The following DOCK1 variants were observed in gnomAD, a reference collection of about 807,000 sequenced individuals.
DOCK1 encodes the protein dedicator of cytokinesis 1.
Under a neutral mutation model 262.7 loss-of-function variants are expected in DOCK1, and 138 were observed. The observed-to-expected ratio is 0.53, with a 90% confidence interval of 0.46 to 0.61. The LOEUF is 0.61. DOCK1 is among the 20% of genes least tolerant of loss of function. The pLI is 0.00. For synonymous variants in DOCK1, 866 were observed against 867.4 expected, an observed-to-expected ratio of 1.00 and a Z score of 0.03; for missense variants, 1,908 against 2,370.7, an observed-to-expected ratio of 0.80 and a Z score of 4.05.
chr10:126,987,551 C>T lies in DOCK1; in HGVS notation c.258C>T (p.Leu86=), dbSNP rs967773581. 6.3e-7 allele frequency: 1 copy of T among 1,581,262 alleles called. No homozygotes were observed. Among genetic ancestry groups the T allele is most frequent in the Non-Finnish European group, 8.6e-7 (1 of 1,163,434 alleles). The change falls in exon 5 of 52, where the codon CTC becomes CTT. Residue 86 remains leucine (L), a synonymous_variant. Coordinates refer to ENST00000623213, the MANE Select transcript of DOCK1 (RefSeq NM_001290223.2). The part of the protein sequence containing the change: ...GQHETVIPGD[L]PLIQEVTTTL... ...ATGAAACAGTCATCCCGGGTGACCT[C>T]CCCCTCATCCAGGAAGTCACCACGA... is the stretch of plus-strand genomic sequence containing the variant.
At chr10:127,065,178 T>G (rs1591868278) in intron 23 of DOCK1, among the ~76,000 whole-genome samples, 1 of 152,048 alleles carries the variant, frequency 6.6e-6, no homozygotes, top group Admixed American at 6.6e-5. Context: ...CCGGCTAATT[T>G]TTTTGAATTT....
intron 31 of DOCK1, among the ~76,000 whole-genome samples, chr10:127,345,519 T>A (rs1268663268): frequency 6.6e-6 from 1 of 152,198 alleles, no homozygotes; most frequent in Non-Finnish European, 1.5e-5. Context: ...CACCTGGCCA[T>A]CTTTCCTTCA....
intron 29 of DOCK1, among the ~76,000 whole-genome samples, chr10:127,278,890 A>C (rs561542042): frequency 3.3e-5 from 5 of 152,174 alleles, no homozygotes; most frequent in Non-Finnish European, 7.3e-5. Context: ...GGCAAAAATT[A>C]ATACCTGCAC....
intron 29 of DOCK1, among the ~76,000 whole-genome samples, chr10:127,320,722 G>A (rs1590429554): frequency 6.6e-6 from 1 of 152,154 alleles, no homozygotes; most frequent in Non-Finnish European, 1.5e-5. Flanking sequence ...ATTCACTTAG[G>A]CACTTGCTTG....
intron 16 of DOCK1, among the ~76,000 whole-genome samples, chr10:127,029,081 G>C (rs1478213377): frequency 6.6e-6 from 1 of 152,200 alleles, no homozygotes; most frequent in Non-Finnish European, 1.5e-5. Context: ...CAAAATCCTT[G>C]TTTTTCTTGT....
chr10:127,037,669 G>A, intron 18 of DOCK1, 50 bp from the exon 19 acceptor site: 1 of 1,487,546 alleles, frequency 6.7e-7, no homozygotes, highest in Non-Finnish European at 9.1e-7. Context: ...AACAGAGACA[G>A]AACAGAGTTT....
intron 50 of DOCK1, among the ~76,000 whole-genome samples, chr10:127,445,615 ATG>A (rs1189786192): frequency 6.6e-6 from 1 of 152,216 alleles, no homozygotes; most frequent in East Asian, 1.9e-4. Flanking sequence ...CCAAAGTTCA[ATG>A]TAGAATAAAC....
At chr10:127,179,637 T>G (rs921401058) in intron 27 of DOCK1, among the ~76,000 whole-genome samples, 12 of 152,108 alleles carry the variant, frequency 7.9e-5, no homozygotes, top group Non-Finnish European at 1.6e-4. Context: ...TGCTCTTTAT[T>G]GGGGGTGGAG....
chr10:127,156,547 CTTCTTCTTCTTCTTCT>C (rs2053074832), intron 27 of DOCK1, among the ~76,000 whole-genome samples: 2 of 88,196 alleles, frequency 2.3e-5, no homozygotes, highest in African/African-American at 8.3e-5. Context: ...TCTTCTTCTT[CTTCTTCTTCTTCTTCT>C]TTTTTTTTTT....
intron 12 of DOCK1, among the ~76,000 whole-genome samples, chr10:127,016,847 CAG>C (rs2041950076): frequency 8.5e-6 from 1 of 117,190 alleles, no homozygotes; most frequent in African/African-American, 3.4e-5. Context: ...TACACACACA[CAG>C]ATACCATAAA....
Position 127,448,860 on chromosome 10 carries a change from C to CT in DOCK1, c.5565+1324dup, listed in dbSNP as rs11365847. On this transcript the variant is annotated intron_variant, in intron 51 of 51. Transcript: ENST00000623213. ...TAAATCCCACGTGCCATTTCTTTTT[C>CT]TTTTTTTTTAATGGAGACTCGTTGA... is the stretch of plus-strand genomic sequence containing the variant. Among the ~76,000 whole-genome samples, 680 of 147,466 alleles carry CT rather than the reference C, an allele frequency of 4.6e-3. 6 individuals carry two copies. The highest frequency in any genetic ancestry group is 0.042 in the South Asian group (193 of 4,640).
At chr10:127,430,762 G>A (rs1434338938) in intron 47 of DOCK1, among the ~76,000 whole-genome samples, 1 of 152,110 alleles carries the variant, frequency 6.6e-6, no homozygotes, top group East Asian at 1.9e-4. Context: ...TACAGCACTG[G>A]TCCCTGTGAT....
chr10:127,433,065 T>G (rs1290996513), intron 47 of DOCK1, among the ~76,000 whole-genome samples: 1 of 152,250 alleles, frequency 6.6e-6, no homozygotes, highest in Non-Finnish European at 1.5e-5. Context: ...CTAAGAAGGT[T>G]CCTTCTGATA....
Position 127,374,080 on chromosome 10 carries a change from C to T in DOCK1, c.3541C>T (p.His1181Tyr), listed in dbSNP as rs759069214. ...DKILLEHCRK[H>Y]KYLAKTGETF... ...CAGCCTTCTGGAACACTGCAGGAAG[C>T]ACAAATACCTCGCCAAAACAGGAGA... is the stretch of plus-strand genomic sequence containing the variant. Residue 1181 changes from histidine (H) to tyrosine (Y), a missense_variant, in exon 35 of 52, where the codon CAC (histidine) becomes TAC (tyrosine). Coordinates refer to ENST00000623213, the MANE Select transcript of DOCK1 (RefSeq NM_001290223.2). The T allele has an allele frequency of 9.9e-6, 16 of 1,611,540 alleles. No individual in the cohort carries two copies. Among genetic ancestry groups the T allele is most frequent in the Non-Finnish European group, 1.4e-5 (16 of 1,178,786 alleles).
At chr10:127,268,528 G>C (rs992174547) in intron 29 of DOCK1, among the ~76,000 whole-genome samples, 2 of 101,724 alleles carry the variant, frequency 2.0e-5, no homozygotes, top group Non-Finnish European at 4.3e-5. Flanking sequence ...AAAAAGAAGA[G>C]GAAAGAAAGA....
In DOCK1 at chr10:127,201,144, A is replaced by G. The variant is rs560322260; in HGVS notation, c.2848-46864A>G. Among the ~76,000 whole-genome samples, 11 of 152,322 alleles carry G rather than the reference A, an allele frequency of 7.2e-5. No individual in the cohort carries two copies. The East Asian group carries it at 1.5e-3, about 21-fold the overall frequency. ...GTCTTTCAAGAACAAGACAGACACA[A>G]TCCTCAAGGTGCCCCAGTGGGGCCT... is the stretch of plus-strand genomic sequence containing the variant. On this transcript the variant is annotated intron_variant, in intron 27 of 51. Coordinates refer to ENST00000623213, the MANE Select transcript of DOCK1 (RefSeq NM_001290223.2).
intron 29 of DOCK1, among the ~76,000 whole-genome samples, chr10:127,263,855 A>C (rs2060263764): frequency 6.6e-6 from 1 of 152,206 alleles, no homozygotes; most frequent in Non-Finnish European, 1.5e-5. Context: ...TTCTAGTCTT[A>C]GGGTTTGCCT....
intron 1 of DOCK1, among the ~76,000 whole-genome samples, chr10:126,959,882 A>G (rs1258548531): frequency 2.0e-5 from 3 of 151,730 alleles, no homozygotes; most frequent in South Asian, 2.1e-4. Flanking sequence ...CAATGGTGCA[A>G]TCTCGGCTCA....
At chr10:126,935,328 C>T (rs2034494574) in intron 1 of DOCK1, among the ~76,000 whole-genome samples, 1 of 152,202 alleles carries the variant, frequency 6.6e-6, no homozygotes, top group African/African-American at 2.4e-5. Context: ...GTGCAGCCCC[C>T]TGCAGTAGGG....
Sources: gnomAD v4.1 joint callset for allele counts (sites outside exome capture counted in the v4.1 genomes callset) on GRCh38, gnomAD v4.1.1 for gene constraint, MANE v1.5 for transcripts, NCBI Gene and HGNC (gene_info 2026-07-23, HGNC 2026-07-21) for gene names.